Variants in PTPRG observed in about 807,000 individuals in gnomAD.
The protein encoded by PTPRG is protein tyrosine phosphatase receptor type G.
A neutral mutation model predicts 165.3 loss-of-function variants in PTPRG; 102 were observed. The ratio of observed to expected loss-of-function variants is 0.62; its 90% CI spans 0.53 to 0.73. PTPRG has a LOEUF of 0.73. Among genes scored for constraint, PTPRG ranks in the 30% least tolerant of loss-of-function variants. The pLI is 0.00. For synonymous variants in PTPRG, 675 were observed against 669.5 expected (o/e 1.01, Z -0.13); for missense variants, 1,866 against 1,861.4 (o/e 1.00, Z -0.05).
At chr3:61,783,685 A>C (rs2034609866) in intron 2 of PTPRG, among the ~76,000 whole-genome samples, 1 of 152,112 alleles carries the variant, frequency 6.6e-6, no homozygotes, top group Non-Finnish European at 1.5e-5. Flanking sequence ...GGTGCAGTAG[A>C]GAAAGTATGA....
At chr3:61,773,873 C>T (rs1045687102) in intron 2 of PTPRG, among the ~76,000 whole-genome samples, 1 of 151,944 alleles carries the variant, frequency 6.6e-6, no homozygotes, top group Non-Finnish European at 1.5e-5. Context: ...CCCCCGTGTT[C>T]AAGCAATTCT....
At chr3:62,200,599 G>A (rs774877690) in intron 10 of PTPRG, among the ~76,000 whole-genome samples, 2 of 152,072 alleles carry the variant, frequency 1.3e-5, no homozygotes, top group Non-Finnish European at 2.9e-5. Context: ...GATAAATTCT[G>A]TCATGTATTT....
At chr3:61,570,650 T>C (rs1700034266) in intron 1 of PTPRG, among the ~76,000 whole-genome samples, 1 of 152,194 alleles carries the variant, frequency 6.6e-6, no homozygotes, top group African/African-American at 2.4e-5. Context: ...GTTCATTAAT[T>C]GGGAATGATT....
At chr3:62,026,833 C>G (rs2041814739) in intron 4 of PTPRG, among the ~76,000 whole-genome samples, 1 of 144,774 alleles carries the variant, frequency 6.9e-6, no homozygotes, top group Admixed American at 7.1e-5. Flanking sequence ...TTGCAGTAAG[C>G]CGAGATTGCA....
intron 6 of PTPRG, among the ~76,000 whole-genome samples, chr3:62,138,796 A>G (rs1004509564): frequency 1.3e-5 from 2 of 150,948 alleles, no homozygotes; most frequent in African/African-American, 4.9e-5. Flanking sequence ...AAGATCGAGT[A>G]TGTGTGCGTT....
intron 2 of PTPRG, among the ~76,000 whole-genome samples, chr3:61,755,054 C>G (rs1409271932): frequency 6.6e-6 from 1 of 151,644 alleles, no homozygotes; most frequent in Non-Finnish European, 1.5e-5. Context: ...CTCACTGCAA[C>G]CTCCGCCTGT....
At chr3:61,730,436 A>T (rs1379350348) in intron 1 of PTPRG, among the ~76,000 whole-genome samples, 1 of 152,230 alleles carries the variant, frequency 6.6e-6, no homozygotes, top group Non-Finnish European at 1.5e-5. Flanking sequence ...CTTATAAAAG[A>T]CTTTCATTTT....
intron 1 of PTPRG, among the ~76,000 whole-genome samples, chr3:61,722,154 G>A (rs1331704795): frequency 6.6e-6 from 1 of 152,208 alleles, no homozygotes; most frequent in African/African-American, 2.4e-5. Flanking sequence ...CTGGCGTCTG[G>A]TGAGGGCTTT....
chr3:61,762,171 GT>G (rs2033862709), intron 2 of PTPRG, among the ~76,000 whole-genome samples: 1 of 152,146 alleles, frequency 6.6e-6, no homozygotes, highest in Admixed American at 6.5e-5. Flanking sequence ...CTCTTGGGGA[GT>G]GATTTTGACA....
chr3:61,689,541 A>G (rs1378601132), intron 1 of PTPRG, among the ~76,000 whole-genome samples: 1 of 152,224 alleles, frequency 6.6e-6, no homozygotes, highest in African/African-American at 2.4e-5. Flanking sequence ...TGAGAGGGCT[A>G]TGTGGCTGCT....
At chr3:61,890,412 G>GTTTTTTTTTTTTTT (rs1388100597) in intron 2 of PTPRG, among the ~76,000 whole-genome samples, 35 of 95,386 alleles carry the variant, frequency 3.7e-4, no homozygotes, top group African/African-American at 9.1e-4. Flanking sequence ...CTTGTTCTTT[G>GTTTTTTTTTTTTTT]TTTTTTTTTT....
At chr3:62,010,503 G>T (rs2041396248) in intron 4 of PTPRG, among the ~76,000 whole-genome samples, 1 of 151,774 alleles carries the variant, frequency 6.6e-6, no homozygotes, top group African/African-American at 2.4e-5. Flanking sequence ...CAAATACATT[G>T]TTGTTTTGGT....
intron 4 of PTPRG, among the ~76,000 whole-genome samples, chr3:62,040,461 G>A (rs1700090383): frequency 6.6e-6 from 1 of 152,152 alleles, no homozygotes; most frequent in Non-Finnish European, 1.5e-5. Context: ...CGTGAGTCCA[G>A]TTTTATTTTT....
intron 1 of PTPRG, among the ~76,000 whole-genome samples, chr3:61,687,491 A>C (rs1394074897): frequency 2.0e-5 from 3 of 152,226 alleles, no homozygotes; most frequent in Non-Finnish European, 4.4e-5. Context: ...GCCTGACTTG[A>C]TCTGGCTAAA....
intron 4 of PTPRG, among the ~76,000 whole-genome samples, chr3:62,025,564 G>A (rs571917936): frequency 2.0e-5 from 3 of 152,138 alleles, no homozygotes; most frequent in African/African-American, 4.8e-5. Flanking sequence ...GTTGACAGCC[G>A]TAAAATGTAA....
chr3:62,117,428 G>T (rs1038688611), intron 5 of PTPRG, among the ~76,000 whole-genome samples: 1 of 152,136 alleles, frequency 6.6e-6, no homozygotes, highest in Admixed American at 6.5e-5. Context: ...AATTACATTT[G>T]CAGGGATACC....
chr3:61,587,643 A>G (rs1032452835), intron 1 of PTPRG, among the ~76,000 whole-genome samples: 2 of 152,022 alleles, frequency 1.3e-5, no homozygotes, highest in African/African-American at 4.8e-5. Context: ...AAAGTTTTTC[A>G]TTTTATCTTA....
intron 1 of PTPRG, among the ~76,000 whole-genome samples, chr3:61,707,651 G>A (rs1315620493): frequency 1.3e-5 from 2 of 152,290 alleles, no homozygotes; most frequent in South Asian, 4.1e-4. Flanking sequence ...CAATTCAAAT[G>A]TTAATCTCAT....
intron 2 of PTPRG, among the ~76,000 whole-genome samples, chr3:61,859,751 C>A (rs941659420): frequency 3.3e-5 from 5 of 152,060 alleles, no homozygotes; most frequent in Non-Finnish European, 7.4e-5. Context: ...GAGACTCTTT[C>A]AAAATTACCT....
Sources: gnomAD v4.1 joint callset for allele counts (sites outside exome capture counted in the v4.1 genomes callset) on GRCh38, gnomAD v4.1.1 for gene constraint, MANE v1.5 for transcripts, NCBI Gene and HGNC (gene_info 2026-07-23, HGNC 2026-07-21) for gene names.